Variants in SLIT3 observed in about 807,000 individuals in gnomAD.
SLIT3 encodes slit guidance ligand 3.
Under a neutral mutation model 184.0 loss-of-function variants are expected in SLIT3, and 68 were observed. The ratio of observed to expected loss-of-function variants is 0.37; its 90% CI spans 0.30 to 0.45. The LOEUF (loss-of-function observed/expected upper bound fraction) is 0.45. SLIT3 is among the 20% of genes least tolerant of loss of function. The pLI is 1.00. For synonymous variants in SLIT3, 831 were observed against 828.6 expected (o/e 1.00, Z -0.05); for missense variants, 1,707 against 2,026.0 (o/e 0.84, Z 3.02).
At chr5:168,934,659 A>T (rs1762096082) in intron 4 of SLIT3, among the ~76,000 whole-genome samples, 1 of 152,130 alleles carries the variant, frequency 6.6e-6, no homozygotes, top group Non-Finnish European at 1.5e-5. Context: ...GCAGCCTTTG[A>T]GACTGGGGAG....
Position 168,714,767 on chromosome 5 carries a change from C to T in SLIT3, c.2484-2413G>A, listed in dbSNP as rs185478868. Among the ~76,000 whole-genome samples the T allele has an allele frequency of 5.1e-3, 776 of 152,284 alleles. 3 individuals are homozygous for T. Among genetic ancestry groups the T allele is most frequent in the African/African-American group, 0.018 (742 of 41,552 alleles). ...GGAGAATGAGTGCTCCTTCCCCTTT[C>T]TCCTCCCCTTCTCCCTGATGCCTCC... On this transcript the variant is annotated intron_variant, in intron 23 of 35. Coordinates refer to ENST00000519560, the MANE Select transcript of SLIT3 (RefSeq NM_003062.4).
At chr5:169,210,166 A>G (rs35485334) in intron 3 of SLIT3, among the ~76,000 whole-genome samples, 36,151 of 152,018 alleles carry the variant, frequency 0.24, 5,203 homozygotes, top group Non-Finnish European at 0.34. Flanking sequence ...GTCCACAGTG[A>G]GGGGTGCATC....
intron 9 of SLIT3, among the ~76,000 whole-genome samples, chr5:168,801,213 C>T (rs1324193317): frequency 6.6e-6 from 1 of 152,184 alleles, no homozygotes; most frequent in Non-Finnish European, 1.5e-5. Context: ...CAGTCCCTTA[C>T]ATGGAAACCT....
intron 4 of SLIT3, among the ~76,000 whole-genome samples, chr5:169,129,533 T>G (rs1374459388): frequency 6.6e-6 from 1 of 152,024 alleles, no homozygotes; most frequent in Middle Eastern, 3.4e-3. Context: ...GCCTGGGCAA[T>G]AGAGCGAGAC....
At position 169,140,529 on chromosome 5, in the gene SLIT3, G is replaced by C. The variant is rs544940510; in HGVS notation, c.413+52950C>G. Among the ~76,000 whole-genome samples, 5 of 149,880 alleles carry C rather than the reference G, an allele frequency of 3.3e-5. No individual in the cohort carries two copies. The East Asian group carries it at 9.9e-4, about 30-fold the overall frequency. On this transcript the variant is annotated intron_variant, in intron 4 of 35. Transcript: ENST00000519560. ...AAAAAAGACGCAGGCGGTCAGGCAC[G>C]GTGGCTCACATCCACCTGTAATCCT...
chr5:168,787,525 C>T (rs964816247), intron 11 of SLIT3, among the ~76,000 whole-genome samples: 2 of 152,182 alleles, frequency 1.3e-5, no homozygotes, highest in African/African-American at 4.8e-5. Context: ...TGGGAGGTGT[C>T]TCTTTAATAT....
chr5:168,742,961 T>C (rs1338555247), intron 20 of SLIT3, among the ~76,000 whole-genome samples: 2 of 151,442 alleles, frequency 1.3e-5, no homozygotes, highest in East Asian at 3.9e-4. Flanking sequence ...ACACCATCTC[T>C]ACTAAAAAAA....
rs564859238 is a variant in SLIT3, at chr5:168,856,229, G to A, written c.486-11574C>T. Among the ~76,000 whole-genome samples, 112 of 152,302 alleles carry A rather than the reference G, an allele frequency of 7.4e-4. 2 individuals are homozygous for A. In the South Asian group the frequency reaches 0.016, roughly 22 times the overall value. On this transcript the variant is annotated intron_variant, in intron 5 of 35. Coordinates refer to ENST00000519560, the MANE Select transcript of SLIT3 (RefSeq NM_003062.4). ...AGTTCTATGTTATGTGAATGTTACC[G>A]TAGGAAAGGAGAAAAAGTGAAGCTT...
chr5:168,999,948 T>C (rs1755645719), intron 4 of SLIT3, among the ~76,000 whole-genome samples: 1 of 152,172 alleles, frequency 6.6e-6, no homozygotes, highest in East Asian at 1.9e-4. Flanking sequence ...CCAAAGACCC[T>C]TCATGATTTT....
chr5:168,789,541 CA>C lies in SLIT3; in HGVS notation c.1079+18del, dbSNP rs1200711060. The C allele has an allele frequency of 6.2e-7, 1 of 1,605,720 alleles. No individual in the cohort carries two copies. Among genetic ancestry groups the C allele is most frequent in the Admixed American group, 1.7e-5 (1 of 59,628 alleles). ...CCCCCCCTCCCCTCACCTCAGGCCC[CA>C]ACTCGGGCCCCACTTACAGCGATGT... On this transcript the variant is annotated intron_variant, in intron 11 of 35. Transcript: ENST00000519560.
At chr5:169,089,647 A>G (rs113577972) in intron 4 of SLIT3, among the ~76,000 whole-genome samples, 2 of 152,018 alleles carry the variant, frequency 1.3e-5, no homozygotes, top group African/African-American at 4.8e-5. Flanking sequence ...GACCCTGGAG[A>G]GCTCTGTACC....
intron 6 of SLIT3, among the ~76,000 whole-genome samples, chr5:168,841,368 T>C (rs548448007): frequency 6.6e-5 from 10 of 152,192 alleles, no homozygotes; most frequent in African/African-American, 2.4e-4. Flanking sequence ...GAGTAACTGC[T>C]AGCGATTTTC....
In SLIT3 at chr5:168,753,029, C is replaced by T. The variant is rs143317194; in HGVS notation, c.1899G>A (p.Leu633=). The change falls in exon 18 of 36, where the codon CTG becomes CTA. Residue 633 remains leucine, a synonymous_variant. Coordinates refer to ENST00000519560, the MANE Select transcript of SLIT3 (RefSeq NM_003062.4). The part of the protein sequence containing the change: ...DTFAGLSSVR[L]LSLYDNRITT... ...TGATCCGATTGTCATAGAGGGACAGCAGTCTCACCGAACTCAGGCCGGCAA... is the reference window on the plus strand; with the variant it reads ...TGATCCGATTGTCATAGAGGGACAGTAGTCTCACCGAACTCAGGCCGGCAA... 1.2e-6 allele frequency: 2 copies of T among 1,614,008 alleles called. No individual in the cohort carries two copies. The highest frequency in any genetic ancestry group is 2.2e-5 in the South Asian group (2 of 91,054).
intron 4 of SLIT3, among the ~76,000 whole-genome samples, chr5:169,121,799 G>A (rs569531598): frequency 1.3e-5 from 2 of 152,288 alleles, no homozygotes; most frequent in East Asian, 3.9e-4. Context: ...TTAAGAGCAG[G>A]AAGGGCCCTG....
chr5:168,992,309 A>C (rs1755357990), intron 4 of SLIT3, among the ~76,000 whole-genome samples: 1 of 152,194 alleles, frequency 6.6e-6, no homozygotes. Context: ...CAGCCTTATG[A>C]ATGGGGAGTG....
intron 4 of SLIT3, among the ~76,000 whole-genome samples, chr5:169,129,911 C>T (rs1242819622): frequency 2.0e-5 from 3 of 152,062 alleles, no homozygotes; most frequent in Non-Finnish European, 2.9e-5. Flanking sequence ...TGCAATGGCA[C>T]AATCTCGGCT....
chr5:168,692,438 G>A (rs141213334), intron 29 of SLIT3, among the ~76,000 whole-genome samples, 169 bp downstream of exon 29: 7 of 152,256 alleles, frequency 4.6e-5, no homozygotes, highest in Non-Finnish European at 7.4e-5. Context: ...ACAGAGGCAC[G>A]CATAGGGAAA....
At chr5:168,748,510 T>A in intron 19 of SLIT3, 76 bp from the exon 20 acceptor site, 1 of 1,397,226 alleles carries the variant, frequency 7.2e-7, no homozygotes, top group Non-Finnish European at 9.4e-7. Context: ...CAAGGCTGCG[T>A]GTTCTCCACA....
At chr5:168,833,547 G>A (rs1025523387) in intron 6 of SLIT3, among the ~76,000 whole-genome samples, 6 of 152,232 alleles carry the variant, frequency 3.9e-5, no homozygotes, top group East Asian at 1.9e-4. Context: ...CCAAGCAGTG[G>A]CCAAAGGCCT....
Sources: gnomAD v4.1 joint callset for allele counts (sites outside exome capture counted in the v4.1 genomes callset) on GRCh38, gnomAD v4.1.1 for gene constraint, MANE v1.5 for transcripts, NCBI Gene and HGNC (gene_info 2026-07-23, HGNC 2026-07-21) for gene names.